DNER: variants seen among roughly 807,000 people sequenced by gnomAD.
DNER encodes the protein delta/notch like EGF repeat containing.
A neutral mutation model predicts 78.2 loss-of-function variants in DNER; 33 were observed. That is an observed-to-expected ratio of 0.42 (90% CI 0.32 to 0.56). The LOEUF (loss-of-function observed/expected upper bound fraction) is 0.56, where lower values mean the gene tolerates loss of function less well. DNER is among the 20% of genes least tolerant of loss of function. The pLI, the probability that DNER is intolerant of heterozygous loss-of-function variation, is 0.11. For missense variants in DNER, 918 were observed against 975.3 expected (o/e 0.94, Z 0.78); for synonymous variants, 417 against 384.8 (o/e 1.08, Z -0.98).
chr2:229,492,837 C>CT (rs145817444), intron 6 of DNER, among the ~76,000 whole-genome samples: 18,946 of 151,894 alleles, frequency 0.12, 1,329 homozygotes, highest in South Asian at 0.2. Flanking sequence ...CGCAGCTAAG[C>CT]TTTTTTTATT....
chr2:229,392,255 G>A lies in DNER; in HGVS notation c.1724-3859C>T, dbSNP rs575511608. On this transcript the variant is annotated intron_variant, in intron 10 of 12. Transcript: ENST00000341772. ...CTTGCCTTCCCACTGTAAACAACTA[G>A]ACAACTAGATGAAATATATGAAAAA... 5.9e-4 allele frequency among the ~76,000 whole-genome samples: 82 copies of A among 139,226 alleles called. 1 individual carries two copies. Among genetic ancestry groups the A allele is most frequent in the African/African-American group, 2.1e-3 (80 of 37,358 alleles). 91.3% of individuals were successfully genotyped at this position (139,226 alleles called of 152,430 possible). A position where few individuals can be genotyped will look rare whatever the true frequency, so the allele number is the denominator to read the frequency against.
At chr2:229,670,000 G>T (rs1471306826) in intron 1 of DNER, among the ~76,000 whole-genome samples, 1 of 152,156 alleles carries the variant, frequency 6.6e-6, no homozygotes, top group Non-Finnish European at 1.5e-5. Flanking sequence ...TCAGCATCCT[G>T]CCTTCAGATC....
chr2:229,539,762 A>C (rs1696477048), intron 5 of DNER, among the ~76,000 whole-genome samples: 2 of 152,146 alleles, frequency 1.3e-5, no homozygotes, highest in Admixed American at 1.3e-4. Flanking sequence ...CGAAGAGCTC[A>C]CCTTCCGAGA....
chr2:229,472,365 G>T (rs1302422125), intron 7 of DNER, among the ~76,000 whole-genome samples: 1 of 152,162 alleles, frequency 6.6e-6, no homozygotes, highest in East Asian at 1.9e-4. Context: ...ATGCTGCAGA[G>T]CCAATGGATG....
At chr2:229,382,254 T>C (rs1215036640) in intron 11 of DNER, among the ~76,000 whole-genome samples, 2 of 151,936 alleles carry the variant, frequency 1.3e-5, no homozygotes, top group Admixed American at 1.3e-4. Context: ...AGAAACCCCA[T>C]CCAAAGGTCA....
At chr2:229,582,766 A>G (rs1697426753) in intron 4 of DNER, among the ~76,000 whole-genome samples, 1 of 151,948 alleles carries the variant, frequency 6.6e-6, no homozygotes, top group Non-Finnish European at 1.5e-5. Flanking sequence ...CAGCCTCCCT[A>G]GTAGCTGGGA....
At chr2:229,536,855 C>T (rs1048182381) in intron 5 of DNER, among the ~76,000 whole-genome samples, 19 of 152,282 alleles carry the variant, frequency 1.2e-4, no homozygotes, top group African/African-American at 4.6e-4. Context: ...AGGCTGCAGG[C>T]CACACCCATG....
chr2:229,561,014 TA>T (rs1368171673), intron 4 of DNER, among the ~76,000 whole-genome samples: 1 of 152,178 alleles, frequency 6.6e-6, no homozygotes, highest in Non-Finnish European at 1.5e-5. Flanking sequence ...TCACCTTTTG[TA>T]AAAAGGCTTT....
chr2:229,611,291 T>C (rs1698041050), intron 1 of DNER, among the ~76,000 whole-genome samples: 1 of 152,238 alleles, frequency 6.6e-6, no homozygotes, highest in African/African-American at 2.4e-5. Context: ...AAAAGAACCA[T>C]TAGCAATGCC....
intron 5 of DNER, among the ~76,000 whole-genome samples, chr2:229,518,543 T>A (rs890710261): frequency 1.3e-5 from 2 of 152,238 alleles, no homozygotes; most frequent in African/African-American, 4.8e-5. Context: ...CAAAGTCTAG[T>A]TGGGAAGACC....
chr2:229,455,923 G>A (rs1046424282), intron 7 of DNER, among the ~76,000 whole-genome samples: 1 of 152,024 alleles, frequency 6.6e-6, no homozygotes, highest in Non-Finnish European at 1.5e-5. Context: ...GCTAGTAAAC[G>A]GCAGGTTTGA....
chr2:229,521,193 A>C (rs757077401), intron 5 of DNER, among the ~76,000 whole-genome samples: 1 of 152,206 alleles, frequency 6.6e-6, no homozygotes, highest in Non-Finnish European at 1.5e-5. Context: ...TTAATGGAGG[A>C]GCTCCAGGAG....
chr2:229,389,014 T>A (rs1432929046), intron 10 of DNER, among the ~76,000 whole-genome samples: 1 of 151,952 alleles, frequency 6.6e-6, no homozygotes, highest in Non-Finnish European at 1.5e-5. Context: ...TGGATGTGAT[T>A]CTGCTTGAAG....
intron 8 of DNER, among the ~76,000 whole-genome samples, chr2:229,419,239 G>A (rs1693714218): frequency 1.3e-5 from 2 of 152,168 alleles, no homozygotes; most frequent in African/African-American, 4.8e-5. Context: ...AGGACAAGAA[G>A]ACAACATTCT....
At chr2:229,539,162 C>T (rs1261735916) in intron 5 of DNER, among the ~76,000 whole-genome samples, 1 of 152,180 alleles carries the variant, frequency 6.6e-6, no homozygotes, top group Admixed American at 6.5e-5. Flanking sequence ...CATCCTATTC[C>T]TTTCTTATAA....
intron 4 of DNER, among the ~76,000 whole-genome samples, chr2:229,554,384 C>T (rs1436530865): frequency 6.6e-6 from 1 of 152,058 alleles, no homozygotes; most frequent in African/African-American, 2.4e-5. Context: ...ATAGTGAAAC[C>T]TCGTCCCTAC....
At chr2:229,586,534 A>C (rs1697502825) in intron 3 of DNER, among the ~76,000 whole-genome samples, 1 of 125,208 alleles carries the variant, frequency 8.0e-6, no homozygotes, top group Non-Finnish European at 1.6e-5. Flanking sequence ...AAAAAAAAAA[A>C]AAAAAAAAAA....
intron 5 of DNER, among the ~76,000 whole-genome samples, chr2:229,530,398 T>C (rs1221772576): frequency 6.6e-6 from 1 of 152,260 alleles, no homozygotes; most frequent in Admixed American, 6.5e-5. Context: ...AAGACTGTTA[T>C]GCTAGAGTCT....
intron 1 of DNER, among the ~76,000 whole-genome samples, chr2:229,627,590 C>G (rs894473314): frequency 1.3e-5 from 2 of 152,130 alleles, no homozygotes; most frequent in African/African-American, 4.8e-5. Flanking sequence ...ACAAAGATTG[C>G]ATCAATGAAA....
Sources: gnomAD v4.1 joint callset for allele counts (sites outside exome capture counted in the v4.1 genomes callset) on GRCh38, gnomAD v4.1.1 for gene constraint, MANE v1.5 for transcripts, NCBI Gene and HGNC (gene_info 2026-07-23, HGNC 2026-07-21) for gene names.